TENM3: variants seen among roughly 807,000 people sequenced by gnomAD.
The protein encoded by TENM3 is teneurin transmembrane protein 3, also known as teneurin-3.
Under a neutral mutation model 255.1 loss-of-function variants are expected in TENM3, and 63 were observed. The ratio of observed to expected loss-of-function variants is 0.25; its 90% CI spans 0.20 to 0.30. TENM3 has a LOEUF of 0.30. Ranked by LOEUF, TENM3 falls within the 10% of genes least tolerant of loss-of-function variation. The probability of loss-of-function intolerance (pLI) is 1.00; values close to 1 mark genes in which losing one functional copy is unlikely to be tolerated. For missense variants in TENM3, 2,929 were observed against 3,461.1 expected (o/e 0.85, Z 3.86); for synonymous variants, 1,306 against 1,322.3 (o/e 0.99, Z 0.27).
At chr4:181,676,423 A>AT in the TENM3 span, among the ~76,000 whole-genome samples, 45,894 of 151,794 alleles carry the variant, frequency 0.3, 9,407 homozygotes, top group African/African-American at 0.59. Context: ...GGTTTGTTAC[A>AT]TGGGTAAATT....
the TENM3 span, among the ~76,000 whole-genome samples, chr4:181,514,945 AT>A: frequency 5.3e-5 from 8 of 152,216 alleles, no homozygotes; most frequent in Non-Finnish European, 1.0e-4. Context: ...CCTATTTTAT[AT>A]GTCAGGTAAC....
the TENM3 span, among the ~76,000 whole-genome samples, chr4:181,783,652 A>G: frequency 6.6e-6 from 1 of 152,160 alleles, no homozygotes; most frequent in Non-Finnish European, 1.5e-5. Context: ...TTCTGAACCA[A>G]AAATATGTAG....
chr4:182,354,588 AACATT>A (rs1399931308), intron 3 of TENM3, among the ~76,000 whole-genome samples: 1 of 124,862 alleles, frequency 8.0e-6, no homozygotes, highest in African/African-American at 2.5e-5. Flanking sequence ...TCTGTTTATT[AACATT>A]ACATACACAT....
At chr4:182,177,940 TTA>T (rs1752603132) in intron 1 of TENM3, among the ~76,000 whole-genome samples, 3 of 147,616 alleles carry the variant, frequency 2.0e-5, no homozygotes, top group South Asian at 4.3e-4. Flanking sequence ...GTCCAATATT[TTA>T]TATGTTTTGG....
At chr4:182,688,433 G>A (rs939814032) in intron 12 of TENM3, 82 bp downstream of exon 12, 1 of 1,135,410 alleles carries the variant, frequency 8.8e-7, no homozygotes, top group Non-Finnish European at 1.2e-6. Context: ...CTTGGAAAAA[G>A]CCTATTTCTT....
At chr4:181,961,164 C>G in the TENM3 span, among the ~76,000 whole-genome samples, 1 of 151,608 alleles carries the variant, frequency 6.6e-6, no homozygotes, top group African/African-American at 2.4e-5. Context: ...TTAAAGCTAC[C>G]TGATGCTTGC....
chr4:181,580,727 G>A, the TENM3 span, among the ~76,000 whole-genome samples: 1 of 152,150 alleles, frequency 6.6e-6, no homozygotes, highest in African/African-American at 2.4e-5. Context: ...TTTGCCTAGG[G>A]TTAGCCCCAT....
chr4:182,741,574 A>C (rs565802966), intron 18 of TENM3, among the ~76,000 whole-genome samples: 49 of 152,368 alleles, frequency 3.2e-4, no homozygotes, highest in African/African-American at 1.2e-3. Flanking sequence ...TCTTCTGATG[A>C]AAATTACACA....
intron 3 of TENM3, among the ~76,000 whole-genome samples, chr4:182,418,646 G>A (rs760966100): frequency 2.7e-4 from 41 of 152,240 alleles, no homozygotes; most frequent in African/African-American, 8.9e-4. Context: ...AGGCAGCCTC[G>A]ACCTCCCCGT....
At chr4:182,219,949 T>C (rs1330977160) in intron 1 of TENM3, among the ~76,000 whole-genome samples, 1 of 152,300 alleles carries the variant, frequency 6.6e-6, no homozygotes, top group Admixed American at 6.5e-5. Flanking sequence ...TCTGTATGTA[T>C]TTGGTTTTTC....
intron 19 of TENM3, among the ~76,000 whole-genome samples, chr4:182,743,754 T>G (rs1419592618): frequency 6.6e-6 from 1 of 152,224 alleles, no homozygotes; most frequent in African/African-American, 2.4e-5. Flanking sequence ...AGCTCTTTTA[T>G]TTCATAGTGG....
intron 1 of TENM3, among the ~76,000 whole-genome samples, chr4:182,237,855 G>T (rs1579842725): frequency 6.6e-6 from 1 of 152,220 alleles, no homozygotes; most frequent in South Asian, 2.1e-4. Context: ...ATTGCTTTCT[G>T]CTTTCTGGGT....
intron 3 of TENM3, among the ~76,000 whole-genome samples, chr4:182,521,330 CT>C (rs1738551012): frequency 6.6e-6 from 1 of 152,162 alleles, no homozygotes. Context: ...TAGACTTTTC[CT>C]GAGGGAAGTC....
the TENM3 span, among the ~76,000 whole-genome samples, chr4:181,951,478 G>A: frequency 3.9e-5 from 6 of 152,218 alleles, no homozygotes; most frequent in South Asian, 2.1e-4. Context: ...GGTGAGTACC[G>A]TGTAGTTGTC....
At chr4:182,733,505 A>AAAAGTCTTTGGAGGTAGAAGCAGAG (rs61027365) in intron 16 of TENM3, among the ~76,000 whole-genome samples, 7,882 of 152,238 alleles carry the variant, frequency 0.052, 381 homozygotes, top group Non-Finnish European at 0.073. Flanking sequence ...TGGCTTGGAC[A>AAAAGTCTTTGGAGGTAGAAGCAGAG]AAAGTCTTTG....
At chr4:181,978,006 C>G in the TENM3 span, among the ~76,000 whole-genome samples, 1 of 152,010 alleles carries the variant, frequency 6.6e-6, no homozygotes, top group African/African-American at 2.4e-5. Flanking sequence ...CCAAGTCATT[C>G]CAAGTAAAGT....
the TENM3 span, among the ~76,000 whole-genome samples, chr4:181,815,938 A>G: frequency 6.6e-6 from 1 of 152,228 alleles, no homozygotes; most frequent in Non-Finnish European, 1.5e-5. Context: ...AAGAGCATCA[A>G]TGTTCAGAGA....
At chr4:182,309,074 A>T (rs1343458196) in intron 1 of TENM3, among the ~76,000 whole-genome samples, 1 of 152,184 alleles carries the variant, frequency 6.6e-6, no homozygotes, top group African/African-American at 2.4e-5. Flanking sequence ...TCTTGGGACG[A>T]ATCAGACACT....
At chr4:181,839,144 G>A in the TENM3 span, among the ~76,000 whole-genome samples, 2 of 150,322 alleles carry the variant, frequency 1.3e-5, no homozygotes, top group Non-Finnish European at 3.0e-5. Flanking sequence ...TTTAGAAATA[G>A]ATTTCTTAAT....
Sources: gnomAD v4.1 joint callset for allele counts (sites outside exome capture counted in the v4.1 genomes callset) on GRCh38, gnomAD v4.1.1 for gene constraint, MANE v1.5 for transcripts, NCBI Gene and HGNC (gene_info 2026-07-23, HGNC 2026-07-21) for gene names.